Variants in LANCL3 observed in about 807,000 individuals in gnomAD.
LANCL3 encodes the protein lanC-like protein 3.
In LANCL3, 19 loss-of-function variants were observed where a neutral mutation model predicts 26.5. The observed-to-expected ratio is 0.72, with a 90% CI of 0.50 to 1.05. The LOEUF (loss-of-function observed/expected upper bound fraction) is 1.05. LANCL3 is among the 50% of genes least tolerant of loss of function. The probability of loss-of-function intolerance (pLI) is 0.00; values close to 1 mark genes in which losing one functional copy is unlikely to be tolerated. For synonymous variants in LANCL3, 160 were observed against 166.6 expected (o/e 0.96, Z 0.30); for missense variants, 318 against 362.7 (o/e 0.88, Z 1.00).
intron 1 of LANCL3, among the ~76,000 whole-genome samples, chrX:37,590,057 T>C (rs1475073489): frequency 1.8e-5 from 2 of 112,870 alleles, no homozygotes; most frequent in African/African-American, 6.4e-5. Flanking sequence ...ATTGGCTTTC[T>C]TGTCTCTGAT....
At chrX:37,582,837 A>T (rs1743954358) in intron 1 of LANCL3, among the ~76,000 whole-genome samples, 1 of 111,436 alleles carries the variant, frequency 9.0e-6, no homozygotes, top group African/African-American at 3.3e-5. Context: ...CCCATTTGTC[A>T]ATTTTGACTT....
At chrX:37,590,141 T>C (rs376558434) in intron 1 of LANCL3, among the ~76,000 whole-genome samples, 1 of 112,737 alleles carries the variant, frequency 8.9e-6, no homozygotes, top group East Asian at 2.8e-4. Context: ...TGTTGGAATA[T>C]TTGCTTCTTG....
At chrX:37,645,652 T>C (rs1394149831) in intron 1 of LANCL3, among the ~76,000 whole-genome samples, 2 of 112,365 alleles carry the variant, frequency 1.8e-5, no homozygotes, top group African/African-American at 3.2e-5. Flanking sequence ...TTGAATGTCG[T>C]TGGGAACTTC....
At chrX:37,673,882 A>G (rs1926738023) in intron 4 of LANCL3, among the ~76,000 whole-genome samples, 1 of 111,942 alleles carries the variant, frequency 8.9e-6, no homozygotes, top group South Asian at 3.7e-4. Flanking sequence ...CTATGATTTT[A>G]CAAATCATCT....
intron 1 of LANCL3, among the ~76,000 whole-genome samples, chrX:37,622,396 T>C (rs1280001070): frequency 9.1e-6 from 1 of 109,300 alleles, no homozygotes; most frequent in Non-Finnish European, 1.9e-5. Flanking sequence ...TCAAATACTT[T>C]TTTTTTTTTT....
chrX:37,672,393 T>G (rs951052791), intron 4 of LANCL3, among the ~76,000 whole-genome samples: 4 of 112,074 alleles, frequency 3.6e-5, no homozygotes, highest in African/African-American at 1.3e-4. Flanking sequence ...GAACAAAAGT[T>G]CTCTGAAACG....
chrX:37,597,668 C>G (rs1159961595), intron 1 of LANCL3, among the ~76,000 whole-genome samples: 1 of 79,831 alleles, frequency 1.3e-5, no homozygotes, highest in Non-Finnish European at 2.4e-5. Flanking sequence ...CACACGCCAC[C>G]TTTTTTTTTT....
chrX:37,613,385 T>C (rs184907167), intron 1 of LANCL3, among the ~76,000 whole-genome samples: 623 of 110,963 alleles, frequency 5.6e-3, no homozygotes, highest in Non-Finnish European at 8.8e-3. Context: ...AGCAAATAAG[T>C]TTCTTTTTAA....
At chrX:37,663,302 A>G (rs146616580) in intron 3 of LANCL3, among the ~76,000 whole-genome samples, 1,433 of 112,099 alleles carry the variant, frequency 0.013, 30 homozygotes, top group African/African-American at 0.043. Context: ...TATAGGATCA[A>G]TGAAATCTCA....
At chrX:37,624,396 C>A (rs1034219905) in intron 1 of LANCL3, among the ~76,000 whole-genome samples, 22 of 111,526 alleles carry the variant, frequency 2.0e-4, no homozygotes, top group Middle Eastern at 4.6e-3. Flanking sequence ...CCATTTTTCC[C>A]ATTGAATTGT....
At chrX:37,608,888 C>T (rs1453447016) in intron 1 of LANCL3, among the ~76,000 whole-genome samples, 6 of 111,755 alleles carry the variant, frequency 5.4e-5, no homozygotes, top group South Asian at 3.7e-4. Context: ...TGATTCCCTC[C>T]GATTTTGTTT....
intron 1 of LANCL3, among the ~76,000 whole-genome samples, chrX:37,603,676 G>A (rs891438445): frequency 8.9e-6 from 1 of 112,169 alleles, no homozygotes; most frequent in Non-Finnish European, 1.9e-5. Context: ...AACTTGTATT[G>A]AGAGACTACT....
chrX:37,584,771 A>G (rs2146712028), intron 1 of LANCL3, among the ~76,000 whole-genome samples: 1 of 110,832 alleles, frequency 9.0e-6, no homozygotes, highest in East Asian at 2.8e-4. Context: ...TAATTTTTTG[A>G]AGGGTTTTTT....
chrX:37,615,260 A>T, intron 1 of LANCL3, among the ~76,000 whole-genome samples: 1 of 112,102 alleles, frequency 8.9e-6, no homozygotes, highest in East Asian at 2.8e-4. Context: ...GGGGCCTAGG[A>T]GTCTGCATTT....
At chrX:37,612,412 T>A (rs781985839) in intron 1 of LANCL3, among the ~76,000 whole-genome samples, 2 of 111,256 alleles carry the variant, frequency 1.8e-5, no homozygotes, top group Admixed American at 1.9e-4. Context: ...AGAGATCAGG[T>A]GATGTCAAGA....
At chrX:37,602,929 T>G (rs189322107) in intron 1 of LANCL3, among the ~76,000 whole-genome samples, 1 of 109,776 alleles carries the variant, frequency 9.1e-6, no homozygotes, top group East Asian at 2.8e-4. Context: ...TTATCTGTAG[T>G]CTAGTCACCG....
Position 37,654,548 on chromosome X carries a change from G to A in LANCL3, c.574-1140G>A, listed in dbSNP as rs550438134. Reference sequence around the variant, plus strand: ...TGAGAGCACAGGTTCTGTCTATCTTGCTCACTGTCATATCTCCAGCATCCA... The same window carrying A: ...TGAGAGCACAGGTTCTGTCTATCTTACTCACTGTCATATCTCCAGCATCCA... On this transcript the variant is annotated intron_variant, in intron 1 of 4. Coordinates refer to ENST00000378619, the MANE Select transcript of LANCL3 (RefSeq NM_001170331.2). Among the ~76,000 whole-genome samples, 3 of 112,117 alleles carry A rather than the reference G, an allele frequency of 2.7e-5. 1 individual carries two copies. In the South Asian group the frequency reaches 1.1e-3, roughly 42 times the overall value.
chrX:37,629,523 C>T (rs1387105063), intron 1 of LANCL3, among the ~76,000 whole-genome samples: 1 of 104,888 alleles, frequency 9.5e-6, no homozygotes, highest in Non-Finnish European at 1.9e-5. Flanking sequence ...AGTCCTTGCC[C>T]ATGCCTATGT....
intron 3 of LANCL3, among the ~76,000 whole-genome samples, chrX:37,666,918 T>C (rs1391602123): frequency 2.1e-4 from 24 of 112,681 alleles, no homozygotes; most frequent in African/African-American, 6.4e-4. Context: ...TACTAGAGTA[T>C]GCGTCATTAA....
Sources: allele counts gnomAD v4.1 joint callset (sites outside exome capture counted in the v4.1 genomes callset), GRCh38; gene constraint gnomAD v4.1.1; transcripts MANE v1.5; gene names NCBI Gene and HGNC (gene_info 2026-07-23, HGNC 2026-07-21).